LAMA5: variants seen among roughly 807,000 people sequenced by gnomAD.
LAMA5 encodes laminin subunit alpha-5.
Under a neutral mutation model 433.4 loss-of-function variants are expected in LAMA5, and 260 were observed. That is an observed-to-expected ratio of 0.60 (90% confidence interval 0.54 to 0.66). The LOEUF (loss-of-function observed/expected upper bound fraction) is 0.66, where lower values mean the gene tolerates loss of function less well. Ranked by LOEUF, LAMA5 falls within the 30% of genes least tolerant of loss-of-function variation. LAMA5 has a pLI of 0.00. For synonymous variants in LAMA5, 2,620 were observed against 2,226.6 expected (o/e 1.18, Z -4.97); for missense variants, 5,378 against 5,258.5 (o/e 1.02, Z -0.70).
rs757398201 is a variant in LAMA5, at chr20:62,315,253, T to C, written c.7868-46A>G. ...GCTCAGCAGGGGCCAGCGGGGACCA[T>C]CCTGGCTTCATGTCCCCAAGTCTTT... On this transcript the variant is annotated intron_variant, in intron 58 of 79. Coordinates refer to ENST00000252999, the MANE Select transcript of LAMA5 (RefSeq NM_005560.6). 8 of 1,514,026 alleles carry C rather than the reference T, an allele frequency of 5.3e-6. No individual in the cohort carries two copies. The South Asian group carries it at 8.7e-5, about 16-fold the overall frequency. The allele number at this position is 1,514,026 out of a possible 1,614,324, so 93.8% of individuals were successfully genotyped here.
chr20:62,325,244 A>G, intron 41 of LAMA5, 72 bp downstream of exon 41: 1 of 996,248 alleles, frequency 1.0e-6, no homozygotes, highest in East Asian at 2.7e-5. Context: ...GGAAGGGAAC[A>G]CAGGGAGGAT....
Position 62,310,526 on chromosome 20 carries a change from C to T in LAMA5, c.10493G>A (p.Gly3498Glu). Residue 3498 changes from glycine to glutamate, a missense_variant, in exon 76 of 80, where the codon GGG (glycine) becomes GAG (glutamate). By Grantham distance (98) the Gly-to-Glu change is moderately conservative. Transcript: ENST00000252999. The part of the protein sequence containing the change: ...SGCVKRLRLH[G>E]RPLGAPTRMA... ...CCGTGTGGGGGCCCCCAGGGGCCTC[C>T]CGTGCAGCCTCAGTCTCTTCACACA... is the stretch of plus-strand genomic sequence containing the variant. The T allele has an allele frequency of 1.9e-6, 3 of 1,552,782 alleles. No individual in the cohort carries two copies. Among genetic ancestry groups the T allele is most frequent in the Non-Finnish European group, 2.6e-6 (3 of 1,156,212 alleles).
rs1277261173 is a variant in LAMA5 at position 62,312,767 on chromosome 20, A to G, written c.9092T>C (p.Leu3031Pro). 3 of 1,590,836 alleles carry G rather than the reference A, an allele frequency of 1.9e-6. 1 individual carries two copies. In the South Asian group the frequency reaches 3.4e-5, roughly 18 times the overall value. The change falls in exon 67 of 80, where the codon CTG becomes CCG. Residue 3031 changes from leucine (L) to proline (P), a missense_variant. Physicochemically the swap from Leu to Pro is moderately conservative, Grantham distance 98. Transcript: ENST00000252999. ...TSASKAIQVF[L>P]LGGSRKRVLV... ...CACACGCTTGCGGCTGCCCCCCAGCAGGAACACCTGGATCTACAGGACCAG... is the reference window on the plus strand; with the variant it reads ...CACACGCTTGCGGCTGCCCCCCAGCGGGAACACCTGGATCTACAGGACCAG...
rs1454111209 is a variant in LAMA5 at position 62,311,959 on chromosome 20, C to G, written c.9596G>C (p.Gly3199Ala). 6.2e-7 allele frequency: 1 copy of G among 1,612,678 alleles called. No homozygotes were observed. The highest frequency in any genetic ancestry group is 8.5e-7 in the Non-Finnish European group (1 of 1,179,890). Residue 3199 changes from glycine to alanine, a missense_variant, in exon 70 of 80, where the codon GGT becomes GCT. Coordinates refer to ENST00000252999, the MANE Select transcript of LAMA5 (RefSeq NM_005560.6). Reference sequence around the variant, plus strand: ...GTAGAAGGCGACGTAATGGGGGGCACCATCGGCGAAGCCCGCTTGAGTTTT... The same window carrying G: ...GTAGAAGGCGACGTAATGGGGGGCAGCATCGGCGAAGCCCGCTTGAGTTTT... ...EVKTQAGFADGAPHYVAFYSN... is the reference protein window; with the variant it reads ...EVKTQAGFADAAPHYVAFYSN...
At chr20:62,330,405 G>A (rs528724235) in intron 31 of LAMA5, 83 bp downstream of exon 31, 17 of 1,441,792 alleles carry the variant, frequency 1.2e-5, no homozygotes, top group South Asian at 4.4e-5. Flanking sequence ...GCTCATAGCA[G>A]GTAGCACAGG....
intron 1 of LAMA5, among the ~76,000 whole-genome samples, chr20:62,364,347 C>T (rs1986486155): frequency 6.6e-6 from 1 of 152,178 alleles, no homozygotes; most frequent in Admixed American, 6.5e-5. Flanking sequence ...TGGTCAAGAC[C>T]CTCCCAGACA....
At position 62,313,457 on chromosome 20, in the gene LAMA5, G is replaced by C. The variant is rs760953234; in HGVS notation, c.8662C>G (p.Pro2888Ala). The change falls in exon 64 of 80, where the codon CCT becomes GCT. Residue 2888 changes from proline (P) to alanine (A), a missense_variant. Physicochemically the swap from Pro to Ala is conservative, Grantham distance 27. Transcript: ENST00000252999. Reference sequence around the variant, plus strand: ...TAGCCGGGGAAGCGAAGCAGGGGAGGGGGCTGTGGGCACAGGGCTGGGTCA... The same window carrying C: ...TAGCCGGGGAAGCGAAGCAGGGGAGCGGGCTGTGGGCACAGGGCTGGGTCA... Reference protein sequence around the residue: ...VGGYPSTFTPPPLLRFPGYRG... With the variant: ...VGGYPSTFTPAPLLRFPGYRG... 1.9e-6 allele frequency: 3 copies of C among 1,604,138 alleles called. No homozygotes were observed. The highest frequency in any genetic ancestry group is 2.6e-6 in the Non-Finnish European group (3 of 1,176,044).
rs1801215166 is a variant in LAMA5, at chr20:62,317,699, A to G, written c.7319T>C (p.Val2440Ala). The part of the protein sequence containing the change: ...LHAARDTLAS[V>A]FRLLHSLDQA... Reference sequence around the variant, plus strand: ...GTCCAGGCTGTGCAGCAATCTGAAGACGCTGGCCAGGGTGTCCCTAGCCGC... The same window carrying G: ...GTCCAGGCTGTGCAGCAATCTGAAGGCGCTGGCCAGGGTGTCCCTAGCCGC... The change falls in exon 54 of 80, where the codon GTC (valine) becomes GCC (alanine). Residue 2440 changes from valine (V) to alanine (A), a missense_variant. Coordinates refer to ENST00000252999, the MANE Select transcript of LAMA5 (RefSeq NM_005560.6). The G allele has an allele frequency of 6.2e-7, 1 of 1,602,064 alleles. No homozygotes were observed. The highest frequency in any genetic ancestry group is 8.5e-7 in the Non-Finnish European group (1 of 1,175,236).
Position 62,367,221 on chromosome 20 carries a change from T to TC in LAMA5, c.24dup (p.Ser9GlufsTer96). 1 of 1,205,094 alleles carries TC rather than the reference T, an allele frequency of 8.3e-7. No individual in the cohort carries two copies. Among genetic ancestry groups the TC allele is most frequent in the Non-Finnish European group, 1.0e-6 (1 of 971,954 alleles). 74.7% of individuals were successfully genotyped at this position (1,205,094 alleles called of 1,614,324 possible). A position where few individuals can be genotyped will look rare whatever the true frequency, so the allele number is the denominator to read the frequency against. ...CGGGGGCCGCGAACACACAGTGCGCTCCCCGCGCAGAGCCGCTTCGCCATC... is the reference window on the plus strand; with the variant it reads ...CGGGGGCCGCGAACACACAGTGCGCTCCCCCGCGCAGAGCCGCTTCGCCATC... On this transcript the variant is annotated frameshift_variant, in exon 1 of 80. Coordinates refer to ENST00000252999, the MANE Select transcript of LAMA5 (RefSeq NM_005560.6). LOFTEE classifies it high-confidence loss of function.
chr20:62,314,737 G>A lies in LAMA5; in HGVS notation c.8197-12C>T, dbSNP rs199888557. On this transcript the variant is annotated splice_polypyrimidine_tract_variant and intron_variant, in intron 60 of 79. Transcript: ENST00000252999. ...ATGGGCACCTTGACCTGCGGGGCAC[G>A]GTCCATCAGCGTCCACCACCACCCT... The A allele has an allele frequency of 1.2e-4, 199 of 1,612,350 alleles. No individual in the cohort carries two copies. Among genetic ancestry groups the A allele is most frequent in the Non-Finnish European group, 1.6e-4 (186 of 1,179,682 alleles).
Position 62,332,670 on chromosome 20 carries a change from G to A in LAMA5, c.3330C>T (p.Ala1110=), listed in dbSNP as rs770946637. 5 of 1,611,196 alleles carry A rather than the reference G, an allele frequency of 3.1e-6. No individual in the cohort carries two copies. The Admixed American group carries it at 6.7e-5, about 22-fold the overall frequency. Residue 1110 remains alanine (A), a synonymous_variant, in exon 27 of 80, where the codon GCC becomes GCT. Transcript: ENST00000252999. ...QVAVPQPGRY[A]LVVEYANEDA... ...CCTCATTGGCGTACTCCACCACTAG[G>A]GCATAGCGGCCTGGCTGTGGCACTG...
Position 62,321,119 on chromosome 20 carries a change from C to A in LAMA5, c.6497-229G>T, listed in dbSNP as rs1948852122. On this transcript the variant is annotated intron_variant, in intron 48 of 79. Coordinates refer to ENST00000252999, the MANE Select transcript of LAMA5 (RefSeq NM_005560.6). ...GGGGTCACCCAGGGAGAAGGTAGGG[C>A]CAGCACAAGGGGTTGGGGCCGGAGG... Among the ~76,000 whole-genome samples the A allele has an allele frequency of 2.1e-5, 3 of 143,264 alleles. No individual in the cohort carries two copies. The South Asian group carries it at 6.9e-4, about 33-fold the overall frequency. The allele number at this position is 143,264 out of a possible 152,430, so 94.0% of individuals were successfully genotyped here. A position where few individuals can be genotyped will look rare whatever the true frequency, so the allele number is the denominator to read the frequency against.
chr20:62,322,618 A>AGGGGGG, intron 46 of LAMA5, 40 bp downstream of exon 46: 1 of 1,436,354 alleles, frequency 7.0e-7, no homozygotes. Flanking sequence ...TCTAGTCCCT[A>AGGGGGG]GGCCCCACCC....
intron 28 of LAMA5, 55 bp from the exon 29 acceptor site, chr20:62,331,184 G>T (rs2146189885): frequency 9.2e-7 from 1 of 1,090,718 alleles, no homozygotes; most frequent in Non-Finnish European, 1.3e-6. Flanking sequence ...AGGATAGGGG[G>T]TGCAGGCGGT....
Position 62,336,762 on chromosome 20 carries a change from A to G in LAMA5, c.2189T>C (p.Leu730Pro). ...AGGAAGGGCAGGATCCACTGGGGCC[A>G]GACCGGCAGGGTGGCAAGAGCCAGC... The part of the protein sequence containing the change: ...CEAGSCHPAG[L>P]APVDPALPEA... The change falls in exon 17 of 80, where the codon CTG becomes CCG. Residue 730 changes from leucine to proline, a missense_variant. Physicochemically the swap from Leu to Pro is moderately conservative, Grantham distance 98. Coordinates refer to ENST00000252999, the MANE Select transcript of LAMA5 (RefSeq NM_005560.6). 2 of 1,613,072 alleles carry G rather than the reference A, an allele frequency of 1.2e-6. No individual in the cohort carries two copies. The highest frequency in any genetic ancestry group is 1.7e-6 in the Non-Finnish European group (2 of 1,179,988).
At chr20:62,315,236 G>A (rs1177848455) in intron 58 of LAMA5, 29 bp from the exon 59 acceptor site, 2 of 1,558,344 alleles carry the variant, frequency 1.3e-6, no homozygotes, top group South Asian at 1.2e-5. Flanking sequence ...AGGCTCAGCA[G>A]GGGCCAGCGG....
chr20:62,309,963 G>C (rs981220903), intron 78 of LAMA5, 25 bp downstream of exon 78: 2 of 1,606,966 alleles, frequency 1.2e-6, no homozygotes, highest in Non-Finnish European at 1.7e-6. Context: ...GTGGCAGAGT[G>C]CCCTGGCCAC....
chr20:62,324,954 G>A lies in LAMA5; in HGVS notation c.5529+362C>T. ...GATTAGCAGGGCAGATTAGCAGCTG[G>A]ACAGACACACAGTGGGCGAGGGATG... On this transcript the variant is annotated intron_variant, in intron 41 of 79. Coordinates refer to ENST00000252999, the MANE Select transcript of LAMA5 (RefSeq NM_005560.6). This position sits in a 1 kb window ranked among gnomAD's most constrained non-coding sequence, Gnocchi z 4.4. The A allele has an allele frequency of 2.5e-6, 1 of 393,156 alleles. No individual in the cohort carries two copies. The highest frequency in any genetic ancestry group is 4.7e-6 in the Non-Finnish European group (1 of 212,492). 24.4% of individuals were successfully genotyped at this position (393,156 alleles called of 1,614,324 possible). A position where few individuals can be genotyped will look rare whatever the true frequency, so the allele number is the denominator to read the frequency against.
intron 3 of LAMA5, among the ~76,000 whole-genome samples, 170 bp from the exon 4 acceptor site, chr20:62,352,530 C>G (rs890483720): frequency 6.6e-6 from 1 of 152,216 alleles, no homozygotes; most frequent in Non-Finnish European, 1.5e-5. Flanking sequence ...GCCCGTTGGA[C>G]TGCACTGCCC....
Sources: allele counts gnomAD v4.1 joint callset (sites outside exome capture counted in the v4.1 genomes callset), GRCh38; gene constraint gnomAD v4.1.1; non-coding constraint Gnocchi (gnomAD v3.1); transcripts MANE v1.5; gene names NCBI Gene and HGNC (gene_info 2026-07-23, HGNC 2026-07-21).